VTI1A: variants seen among roughly 807,000 people sequenced by gnomAD.
VTI1A encodes the protein vesicle transport through interaction with t-SNAREs 1A, also known as vesicle transport through interaction with t-SNAREs homolog 1A.
VTI1A carries 22 observed loss-of-function variants against 34.9 expected under a neutral mutation model. The observed-to-expected ratio is 0.63, with a 90% CI of 0.45 to 0.90. The LOEUF (loss-of-function observed/expected upper bound fraction) is 0.90. Ranked by LOEUF, VTI1A falls within the 40% of genes least tolerant of loss-of-function variation. VTI1A has a pLI of 0.00. For synonymous variants in VTI1A, 87 were observed against 97.3 expected, an observed-to-expected ratio of 0.89 and a Z score of 0.62; for missense variants, 268 against 275.6, an observed-to-expected ratio of 0.97 and a Z score of 0.20.
intron 5 of VTI1A, among the ~76,000 whole-genome samples, chr10:112,560,418 C>G (rs1428334751): frequency 6.6e-6 from 1 of 152,104 alleles, no homozygotes; most frequent in East Asian, 1.9e-4. Context: ...ACCACTCTTT[C>G]TAAAGCAGGC....
At chr10:112,766,644 G>A (rs1456903497) in intron 7 of VTI1A, among the ~76,000 whole-genome samples, 2 of 108,860 alleles carry the variant, frequency 1.8e-5, no homozygotes, top group African/African-American at 1.2e-4. Flanking sequence ...AATGCTCAAG[G>A]AATATGGTCC....
intron 2 of VTI1A, among the ~76,000 whole-genome samples, chr10:112,464,233 A>G (rs1847822961): frequency 6.6e-6 from 1 of 152,154 alleles, no homozygotes; most frequent in Non-Finnish European, 1.5e-5. Context: ...CCTGACCTCA[A>G]GTGATCCACC....
intron 7 of VTI1A, among the ~76,000 whole-genome samples, chr10:112,784,355 G>T (rs1488405831): frequency 6.6e-6 from 1 of 152,158 alleles, no homozygotes; most frequent in Admixed American, 6.5e-5. Flanking sequence ...TCTGCTTTTC[G>T]AGGGGAAAAG....
intron 5 of VTI1A, among the ~76,000 whole-genome samples, chr10:112,589,332 A>AT (rs1364135589): frequency 1.3e-5 from 2 of 152,042 alleles, no homozygotes; most frequent in African/African-American, 4.8e-5. Flanking sequence ...AGATCTGATG[A>AT]TTGGATTAAG....
intron 5 of VTI1A, among the ~76,000 whole-genome samples, chr10:112,599,259 G>T (rs1413070770): frequency 1.3e-5 from 2 of 152,208 alleles, no homozygotes; most frequent in Admixed American, 1.3e-4. Context: ...CAACCCACAA[G>T]GAGGGCCATG....
chr10:112,697,100 A>G (rs1848816117), intron 7 of VTI1A, among the ~76,000 whole-genome samples: 1 of 152,198 alleles, frequency 6.6e-6, no homozygotes, highest in Non-Finnish European at 1.5e-5. Flanking sequence ...TTATACATAA[A>G]TTATTCTGTT....
At chr10:112,661,013 G>C (rs897086092) in intron 5 of VTI1A, among the ~76,000 whole-genome samples, 1 of 152,122 alleles carries the variant, frequency 6.6e-6, no homozygotes, top group Non-Finnish European at 1.5e-5. Flanking sequence ...CAGGGTCTCA[G>C]TCTGTCACCC....
chr10:112,835,910 T>C, the VTI1A span, among the ~76,000 whole-genome samples: 1 of 152,222 alleles, frequency 6.6e-6, no homozygotes, highest in Non-Finnish European at 1.5e-5. Flanking sequence ...GCTAATTAAA[T>C]GCCACAAATG....
intron 5 of VTI1A, among the ~76,000 whole-genome samples, chr10:112,589,036 TTTTTAAC>T (rs1283829424): frequency 6.6e-6 from 1 of 151,612 alleles, no homozygotes; most frequent in Non-Finnish European, 1.5e-5. Flanking sequence ...TTTTTTTTTT[TTTTTAAC>T]TTACAGTGAA....
chr10:112,795,690 G>T (rs1852650812), intron 7 of VTI1A, among the ~76,000 whole-genome samples: 2 of 151,922 alleles, frequency 1.3e-5, no homozygotes, highest in African/African-American at 4.8e-5. Flanking sequence ...GCCCACCTCG[G>T]CCTCCCAAAG....
At chr10:112,450,651 TA>T (rs1235593800) in intron 1 of VTI1A, 2 of 152,228 alleles carry the variant, frequency 1.3e-5, no homozygotes, top group Non-Finnish European at 2.9e-5. Context: ...AGTGAACATT[TA>T]AAAATTTTAT....
chr10:112,673,493 T>C (rs1285730520), intron 7 of VTI1A, among the ~76,000 whole-genome samples: 4 of 137,794 alleles, frequency 2.9e-5, no homozygotes, highest in Non-Finnish European at 4.8e-5. Flanking sequence ...CGCACTCAGA[T>C]TGTTTCCTTC....
intron 3 of VTI1A, among the ~76,000 whole-genome samples, chr10:112,518,777 A>T (rs1482511618): frequency 1.3e-5 from 2 of 151,704 alleles, no homozygotes; most frequent in Non-Finnish European, 2.9e-5. Context: ...AACATTGAAG[A>T]TACTCAAGAA....
chr10:112,529,530 G>GT, intron 4 of VTI1A, among the ~76,000 whole-genome samples: 1 of 152,022 alleles, frequency 6.6e-6, no homozygotes, highest in African/African-American at 2.4e-5. Context: ...GCTAGGAAGA[G>GT]TTTTTTTCTA....
At chr10:112,849,782 A>C in the VTI1A span, among the ~76,000 whole-genome samples, 1 of 152,248 alleles carries the variant, frequency 6.6e-6, no homozygotes, top group East Asian at 1.9e-4. Flanking sequence ...CGCTGAATGC[A>C]CAATGGCATC....
chr10:112,689,468 T>TGGG, intron 7 of VTI1A, among the ~76,000 whole-genome samples: 1 of 152,112 alleles, frequency 6.6e-6, no homozygotes, highest in East Asian at 1.9e-4. Context: ...CCAGGAGACA[T>TGGG]GGGTGGGGTG....
downstream of VTI1A, among the ~76,000 whole-genome samples, chr10:112,819,632 G>T (rs1353929444): frequency 6.6e-6 from 1 of 152,190 alleles, no homozygotes; most frequent in Non-Finnish European, 1.5e-5. Flanking sequence ...ACTTTGCTGA[G>T]ATGGGCCTTC....
At chr10:112,737,493 GTT>G (rs1182654778) in intron 7 of VTI1A, 1 of 1,050,760 alleles carries the variant, frequency 9.5e-7, no homozygotes, top group African/African-American at 1.7e-5. Flanking sequence ...CGCATCTTCT[GTT>G]CCCTGGGATG....
intron 3 of VTI1A, among the ~76,000 whole-genome samples, chr10:112,519,753 C>T (rs1849943018): frequency 6.6e-6 from 1 of 151,950 alleles, no homozygotes; most frequent in Non-Finnish European, 1.5e-5. Context: ...GCTTAGAACC[C>T]CTTGTTTTTA....
Sources: gnomAD v4.1 joint callset for allele counts (sites outside exome capture counted in the v4.1 genomes callset) on GRCh38, gnomAD v4.1.1 for gene constraint, MANE v1.5 for transcripts, NCBI Gene and HGNC (gene_info 2026-07-23, HGNC 2026-07-21) for gene names.